Variants in TRIQK observed in about 807,000 individuals in gnomAD.
TRIQK encodes triple QxxK/R motif containing.
In TRIQK, 10 loss-of-function variants were observed where a neutral mutation model predicts 10.8. The ratio of observed to expected loss-of-function variants is 0.92; its 90% CI spans 0.57 to 1.57. TRIQK has a LOEUF of 1.57. TRIQK is among the 40% of genes most tolerant of loss of function. The probability of loss-of-function intolerance (pLI) is 0.00; values close to 1 mark genes in which losing one functional copy is unlikely to be tolerated. For missense variants in TRIQK, 107 were observed against 97.7 expected (o/e 1.09, Z -0.40); for synonymous variants, 33 against 33.7 (o/e 0.98, Z 0.07).
chr8:92,948,359 G>A (rs1466477699), intron 2 of TRIQK, among the ~76,000 whole-genome samples: 2 of 152,084 alleles, frequency 1.3e-5, no homozygotes, highest in African/African-American at 4.8e-5. Flanking sequence ...CACAGTAATG[G>A]TTAACAACAT....
chr8:92,883,610 T>G lies in TRIQK; in HGVS notation c.*3012A>C, dbSNP rs1355759783. 1 of 151,704 alleles carries G rather than the reference T, an allele frequency of 6.6e-6. No homozygotes were observed. The highest frequency in any genetic ancestry group is 2.4e-5 in the African/African-American group (1 of 41,364). 9.4% of individuals were successfully genotyped at this position (151,704 alleles called of 1,614,324 possible). ...TTTACACAAAGAAACTGTGACAGAC[T>G]CTGAGAGGACTAAAAGGCATCAACT... On this transcript the variant is annotated 3_prime_UTR_variant, in exon 5 of 5. Coordinates refer to ENST00000521988, the MANE Select transcript of TRIQK (RefSeq NM_001171797.2).
At chr8:93,016,898 A>G (rs1410541151) in intron 1 of TRIQK, among the ~76,000 whole-genome samples, 2 of 152,200 alleles carry the variant, frequency 1.3e-5, no homozygotes, top group Non-Finnish European at 2.9e-5. Context: ...TAAAAAATGT[A>G]TGGCATATGC....
chr8:92,972,379 G>C (rs758394236), intron 1 of TRIQK, among the ~76,000 whole-genome samples: 2 of 151,646 alleles, frequency 1.3e-5, no homozygotes, highest in Non-Finnish European at 2.9e-5. Flanking sequence ...AAAATGTTTA[G>C]ACTTCCAGTT....
chr8:92,921,061 T>G (rs556311033), intron 2 of TRIQK, among the ~76,000 whole-genome samples: 1 of 151,692 alleles, frequency 6.6e-6, no homozygotes, highest in Non-Finnish European at 1.5e-5. Flanking sequence ...GACCAATGAC[T>G]CCTGTGGCTG....
intron 1 of TRIQK, chr8:92,973,529 A>G (rs945961417): frequency 1.3e-5 from 2 of 152,118 alleles, no homozygotes; most frequent in African/African-American, 4.8e-5. Context: ...CGGGCCACAC[A>G]CTTTCATTTT....
chr8:92,930,273 C>T (rs935378107), intron 2 of TRIQK, among the ~76,000 whole-genome samples: 2 of 149,372 alleles, frequency 1.3e-5, no homozygotes, highest in Admixed American at 6.7e-5. Context: ...GCTTGTAATT[C>T]CAGTCACTCA....
intron 2 of TRIQK, among the ~76,000 whole-genome samples, chr8:92,936,345 T>C (rs1223774422): frequency 6.6e-6 from 1 of 151,678 alleles, no homozygotes; most frequent in Non-Finnish European, 1.5e-5. Context: ...AGTAGTATTC[T>C]TGTTAACTGA....
intron 1 of TRIQK, among the ~76,000 whole-genome samples, chr8:93,008,366 G>C (rs558318933): frequency 2.6e-5 from 4 of 152,024 alleles, no homozygotes; most frequent in African/African-American, 9.7e-5. Flanking sequence ...AGTAGTCTTC[G>C]ATGGGAAGAA....
chr8:92,896,720 T>G (rs1301084957), intron 3 of TRIQK, among the ~76,000 whole-genome samples: 1 of 152,196 alleles, frequency 6.6e-6, no homozygotes, highest in East Asian at 1.9e-4. Context: ...GTTTTGGACT[T>G]GCTTGGAATC....
At chr8:92,892,683 C>G (rs529443873) in intron 3 of TRIQK, among the ~76,000 whole-genome samples, 6 of 151,788 alleles carry the variant, frequency 4.0e-5, no homozygotes. Context: ...TATAGAATAG[C>G]TACATTTAGA....
chr8:92,922,229 C>T (rs1211331254), intron 2 of TRIQK: 1 of 151,614 alleles, frequency 6.6e-6, no homozygotes, highest in Non-Finnish European at 1.5e-5. Context: ...AAGACAAGCA[C>T]CATAAAAATT....
chr8:92,893,089 C>T (rs1251994279), intron 3 of TRIQK, among the ~76,000 whole-genome samples: 5 of 151,942 alleles, frequency 3.3e-5, no homozygotes, highest in Admixed American at 2.0e-4. Flanking sequence ...ACATTCCCTT[C>T]ATCTAAATAA....
At chr8:93,015,618 C>T (rs1813378054) in intron 1 of TRIQK, among the ~76,000 whole-genome samples, 1 of 151,936 alleles carries the variant, frequency 6.6e-6, no homozygotes, top group South Asian at 2.1e-4. Flanking sequence ...TTCTTTATAA[C>T]ATAAGGGTAT....
At chr8:92,922,946 T>A (rs908433518) in intron 2 of TRIQK, among the ~76,000 whole-genome samples, 1 of 151,820 alleles carries the variant, frequency 6.6e-6, no homozygotes, top group African/African-American at 2.4e-5. Context: ...ATACAGTAAG[T>A]AAAATAACGT....
At chr8:93,013,147 C>A (rs1292155819) in intron 1 of TRIQK, among the ~76,000 whole-genome samples, 1 of 152,136 alleles carries the variant, frequency 6.6e-6, no homozygotes, top group Non-Finnish European at 1.5e-5. Context: ...TTGGGTCGCT[C>A]AATGGTGATT....
upstream of TRIQK, among the ~76,000 whole-genome samples, chr8:92,969,839 T>C (rs1812856485): frequency 1.3e-5 from 2 of 152,142 alleles, no homozygotes; most frequent in South Asian, 4.1e-4. Flanking sequence ...TGTGGGTTTG[T>C]TACACAGGTA....
chr8:93,011,381 T>C (rs1001357687), intron 1 of TRIQK, among the ~76,000 whole-genome samples: 2 of 152,124 alleles, frequency 1.3e-5, no homozygotes, highest in Non-Finnish European at 2.9e-5. Context: ...ACAACAATAT[T>C]TACTTTTTTA....
At chr8:92,998,430 AG>A (rs902129128) in intron 1 of TRIQK, among the ~76,000 whole-genome samples, 1 of 152,074 alleles carries the variant, frequency 6.6e-6, no homozygotes, top group African/African-American at 2.4e-5. Context: ...GTTTACTGAA[AG>A]AAATTGGAAA....
At chr8:92,917,903 G>C (rs1452311875) in intron 2 of TRIQK, among the ~76,000 whole-genome samples, 3 of 151,862 alleles carry the variant, frequency 2.0e-5, no homozygotes, top group African/African-American at 7.2e-5. Flanking sequence ...CCCTGGCTCT[G>C]GTAGCCATTA....
Sources: allele counts gnomAD v4.1 joint callset (sites outside exome capture counted in the v4.1 genomes callset), GRCh38; gene constraint gnomAD v4.1.1; transcripts MANE v1.5; gene names NCBI Gene and HGNC (gene_info 2026-07-23, HGNC 2026-07-21).